PRCP: variants seen among roughly 807,000 people sequenced by gnomAD.
The protein encoded by PRCP is lysosomal Pro-X carboxypeptidase.
In PRCP, 46 loss-of-function variants were observed where a neutral mutation model predicts 54.2. The ratio of observed to expected loss-of-function variants is 0.85; its 90% CI spans 0.67 to 1.09. PRCP has a LOEUF of 1.09. PRCP is among the 50% of genes least tolerant of loss of function. The pLI, the probability that PRCP is intolerant of heterozygous loss-of-function variation, is 0.00. For missense variants in PRCP, 613 were observed against 596.8 expected (o/e 1.03, Z -0.28); for synonymous variants, 240 against 212.2 (o/e 1.13, Z -1.14).
rs141994635 is a variant in PRCP, at chr11:82,860,028, T to C, written c.258A>G (p.Ile86Met). Residue 86 changes from isoleucine (I) to methionine (M), a missense_variant, in exon 2 of 9, where the codon ATA (isoleucine) becomes ATG (methionine). Transcript: ENST00000313010. ...DKYWKKNGGSILFYTGNEGDI... is the reference protein window; with the variant it reads ...DKYWKKNGGSMLFYTGNEGDI... ...CCCCTTCATTACCAGTGTAGAAAAG[T>C]ATTGATCCACCATTTTTCTTCCAGT... 6.8e-4 allele frequency: 1,076 copies of C among 1,591,668 alleles called. 9 individuals are homozygous for C. The African/African-American group carries it at 0.013, about 20-fold the overall frequency.
At chr11:82,892,173 T>C (rs764013482) in intron 1 of PRCP, among the ~76,000 whole-genome samples, 1 of 152,172 alleles carries the variant, frequency 6.6e-6, no homozygotes, top group African/African-American at 2.4e-5. Context: ...CAATGAAAGA[T>C]CATAGATCTT....
chr11:82,835,092 T>C (rs1013931366), intron 8 of PRCP, among the ~76,000 whole-genome samples: 4 of 152,170 alleles, frequency 2.6e-5, no homozygotes, highest in African/African-American at 7.2e-5. Flanking sequence ...AGCTAATGCG[T>C]GCTGGATTTA....
At position 82,823,840 on chromosome 11, in the gene PRCP, C is replaced by T. The variant is rs748342593; in HGVS notation, c.*1066G>A. ...CCCTTGGAAATAGGAATGGCTTGGCCATTTATTAATGTCAAATATGCTGCC... is the reference window on the plus strand; with the variant it reads ...CCCTTGGAAATAGGAATGGCTTGGCTATTTATTAATGTCAAATATGCTGCC... On this transcript the variant is annotated 3_prime_UTR_variant, in exon 9 of 9. Transcript: ENST00000313010. 18 of 152,224 alleles carry T rather than the reference C, an allele frequency of 1.2e-4. No homozygotes were observed. The highest frequency in any genetic ancestry group is 4.6e-4 in the Admixed American group (7 of 15,286). The allele number at this position is 152,224 out of a possible 1,614,324, so 9.4% of individuals were successfully genotyped here.
intron 1 of PRCP, among the ~76,000 whole-genome samples, chr11:82,895,915 T>C (rs1860109857): frequency 6.6e-6 from 1 of 152,138 alleles, no homozygotes; most frequent in Non-Finnish European, 1.5e-5. Flanking sequence ...TGTGATCCCC[T>C]CACAGCAAAT....
intron 1 of PRCP, among the ~76,000 whole-genome samples, chr11:82,862,308 T>C (rs996247441): frequency 6.6e-6 from 1 of 152,216 alleles, no homozygotes; most frequent in Non-Finnish European, 1.5e-5. Context: ...AATTATCAAA[T>C]ACTATAACAT....
intron 8 of PRCP, among the ~76,000 whole-genome samples, chr11:82,837,799 T>C (rs1858562794): frequency 6.6e-6 from 1 of 152,206 alleles, no homozygotes; most frequent in Non-Finnish European, 1.5e-5. Flanking sequence ...CAGTGTAATG[T>C]AGAAAAACAA....
rs569598438 is a variant in PRCP, at chr11:82,888,728, A to T, written c.168+11507T>A. Among the ~76,000 whole-genome samples, 5 of 152,332 alleles carry T rather than the reference A, an allele frequency of 3.3e-5. No homozygotes were observed. The South Asian group carries it at 1.0e-3, about 32-fold the overall frequency. ...TAGGTCTGTCTTTATCTGACATTCTATCATGCTCTCCAAAGGATGTGAGAC... is the reference window on the plus strand; with the variant it reads ...TAGGTCTGTCTTTATCTGACATTCTTTCATGCTCTCCAAAGGATGTGAGAC... On this transcript the variant is annotated intron_variant, in intron 1 of 8. Transcript: ENST00000313010.
intron 1 of PRCP, among the ~76,000 whole-genome samples, chr11:82,899,626 T>C (rs1010507614): frequency 6.6e-6 from 1 of 152,094 alleles, no homozygotes; most frequent in Non-Finnish European, 1.5e-5. Flanking sequence ...TTACAGACCA[T>C]AGAAAGGCTA....
intron 1 of PRCP, among the ~76,000 whole-genome samples, chr11:82,889,287 G>T (rs1859943098): frequency 6.6e-6 from 1 of 151,932 alleles, no homozygotes; most frequent in South Asian, 2.1e-4. Flanking sequence ...GAGCCCGGGA[G>T]TTTGAGGCCA....
intron 7 of PRCP, 148 bp downstream of exon 7, chr11:82,839,113 A>C: frequency 1.4e-6 from 1 of 721,774 alleles, no homozygotes; most frequent in Non-Finnish European, 2.2e-6. Flanking sequence ...GAACAAGAAA[A>C]CTTGTCCATA....
intron 1 of PRCP, among the ~76,000 whole-genome samples, chr11:82,876,433 A>G (rs1303538128): frequency 6.6e-6 from 1 of 152,154 alleles, no homozygotes; most frequent in Non-Finnish European, 1.5e-5. Flanking sequence ...TTACAACCAT[A>G]TGTGTATTTT....
intron 1 of PRCP, among the ~76,000 whole-genome samples, chr11:82,887,011 C>A (rs1311356727): frequency 2.0e-5 from 3 of 152,240 alleles, no homozygotes; most frequent in Non-Finnish European, 4.4e-5. Context: ...AGGTCATCAT[C>A]TTTGACCCTC....
At chr11:82,859,831 T>A in intron 2 of PRCP, 146 bp downstream of exon 2, 2 of 682,094 alleles carry the variant, frequency 2.9e-6, no homozygotes, top group Non-Finnish European at 4.3e-6. Context: ...TTTTCTATTA[T>A]TAGTGTGTTA....
chr11:82,901,326 C>A (rs560091421), upstream of PRCP: 2 of 208,526 alleles, frequency 9.6e-6, no homozygotes, highest in Non-Finnish European at 2.0e-5. Flanking sequence ...GCTCCACCCC[C>A]CTCCTGCCTC....
intron 1 of PRCP, among the ~76,000 whole-genome samples, chr11:82,879,041 G>C (rs1411155435): frequency 6.6e-6 from 1 of 152,150 alleles, no homozygotes; most frequent in Non-Finnish European, 1.5e-5. Context: ...GAGTATCTTT[G>C]TGGTGTTCTC....
chr11:82,846,890 T>TA (rs1858819577), intron 6 of PRCP, among the ~76,000 whole-genome samples: 1 of 152,208 alleles, frequency 6.6e-6, no homozygotes, highest in South Asian at 2.1e-4. Context: ...ATTCAACAGC[T>TA]ATATTTCTCC....
At chr11:82,839,234 C>T (rs1172968139) in intron 7 of PRCP, 27 bp downstream of exon 7, 5 of 1,591,584 alleles carry the variant, frequency 3.1e-6, no homozygotes, top group Non-Finnish European at 4.3e-6. Context: ...AAAGTAAGTT[C>T]CACTTGGGGA....
chr11:82,836,729 G>A (rs1449483469), intron 8 of PRCP: 1 of 224,290 alleles, frequency 4.5e-6, no homozygotes, highest in Non-Finnish European at 9.0e-6. Flanking sequence ...TATATATTTT[G>A]TAGAGATGGG....
intron 6 of PRCP, 76 bp downstream of exon 6, chr11:82,848,973 A>G: frequency 7.1e-7 from 1 of 1,416,066 alleles, no homozygotes; most frequent in South Asian, 1.4e-5. Flanking sequence ...ACTTTCTCTG[A>G]GGCAGAAAGT....
Sources: gnomAD v4.1 joint callset for allele counts (sites outside exome capture counted in the v4.1 genomes callset) on GRCh38, gnomAD v4.1.1 for gene constraint, MANE v1.5 for transcripts, NCBI Gene and HGNC (gene_info 2026-07-23, HGNC 2026-07-21) for gene names.